ARHGEF4: variants seen among roughly 807,000 people sequenced by gnomAD.
ARHGEF4 encodes Rho guanine nucleotide exchange factor 4, also known as APC-stimulated guanine nucleotide exchange factor 1.
In ARHGEF4, 119 loss-of-function variants were observed where a neutral mutation model predicts 162.0. That is an observed-to-expected ratio of 0.73 (90% CI 0.63 to 0.86). The LOEUF (loss-of-function observed/expected upper bound fraction) is 0.86, where lower values mean the gene tolerates loss of function less well. Ranked by LOEUF, ARHGEF4 falls within the 40% of genes least tolerant of loss-of-function variation. The probability of loss-of-function intolerance (pLI) is 0.00; values close to 1 mark genes in which losing one functional copy is unlikely to be tolerated. For missense variants in ARHGEF4, 2,488 were observed against 2,456.0 expected, an observed-to-expected ratio of 1.01 and a Z score of -0.28; for synonymous variants, 1,014 against 979.9, an observed-to-expected ratio of 1.03 and a Z score of -0.65.
rs1252332616 is a variant in ARHGEF4, at chr2:130,937,244, A to G, written c.3858+5987A>G. On this transcript the variant is annotated intron_variant, in intron 3 of 13. Transcript: ENST00000409359. ...TTTCTTTTGAGATTCCATTATAGGT[A>G]TGTTGGTGTGCTTGATGGTGCCCTA... 2.6e-5 allele frequency among the ~76,000 whole-genome samples: 4 copies of G among 151,832 alleles called. No homozygotes were observed. The South Asian group carries it at 8.3e-4, about 32-fold the overall frequency.
intron 1 of ARHGEF4, among the ~76,000 whole-genome samples, chr2:130,870,697 C>T (rs1215802475): frequency 6.6e-6 from 1 of 152,068 alleles, no homozygotes; most frequent in Non-Finnish European, 1.5e-5. Context: ...GGGGGTGCTC[C>T]TTATGTGCCA....
chr2:130,962,739 ACTT>A (rs2105193260), intron 4 of ARHGEF4, among the ~76,000 whole-genome samples: 1 of 147,866 alleles, frequency 6.8e-6, no homozygotes, highest in African/African-American at 2.5e-5. Flanking sequence ...CCCTCTCAAT[ACTT>A]CTGCTGCTTA....
At chr2:130,950,694 C>A (rs180959818) in intron 4 of ARHGEF4, among the ~76,000 whole-genome samples, 3 of 148,016 alleles carry the variant, frequency 2.0e-5, no homozygotes, top group African/African-American at 7.4e-5. Context: ...TTACCCCCCA[C>A]CACCACCCGA....
chr2:130,851,055 C>T (rs980617186), intron 1 of ARHGEF4, among the ~76,000 whole-genome samples: 4 of 152,258 alleles, frequency 2.6e-5, no homozygotes, highest in Non-Finnish European at 5.9e-5. Flanking sequence ...CTGCTGGGTC[C>T]CCTTGCAGAG....
chr2:130,868,566 G>A (rs1043118632), intron 1 of ARHGEF4, among the ~76,000 whole-genome samples: 3 of 152,064 alleles, frequency 2.0e-5, no homozygotes, highest in Non-Finnish European at 2.9e-5. Flanking sequence ...TCATACTGTC[G>A]TGGCACTGTG....
At chr2:130,884,263 C>G (rs141861802) in intron 1 of ARHGEF4, among the ~76,000 whole-genome samples, 1 of 151,804 alleles carries the variant, frequency 6.6e-6, no homozygotes, top group African/African-American at 2.4e-5. Context: ...TGCACACACA[C>G]GTGCACACAT....
chr2:130,864,575 T>G (rs914497960), intron 1 of ARHGEF4, among the ~76,000 whole-genome samples: 82 of 152,210 alleles, frequency 5.4e-4, no homozygotes, highest in Non-Finnish European at 1.9e-4. Flanking sequence ...ATACAAAAAA[T>G]TAGCCAGATG....
Position 131,044,410 on chromosome 2 carries a change from A to C in ARHGEF4, c.5269A>C (p.Asn1757His). ...KDRDLHVSIK[N>H]AFRLHRGATG... ...CAGAGACCTCCATGTGAGCATCAAG[A>C]ACGCCTTCCGGCTGCACCGTGGCGC... is the stretch of plus-strand genomic sequence containing the variant. Residue 1757 changes from asparagine (N) to histidine (H), a missense_variant, in exon 12 of 14, where the codon AAC (asparagine) becomes CAC (histidine). Around this residue, in one of 6 missense-constraint regions of ARHGEF4, gnomAD observed 415 missense variants for 512.4 expected, o/e 0.81. Coordinates refer to ENST00000409359, the MANE Select transcript of ARHGEF4 (RefSeq NM_001367493.1). The C allele has an allele frequency of 6.3e-7, 1 of 1,577,840 alleles. No homozygotes were observed. Among genetic ancestry groups the C allele is most frequent in the Non-Finnish European group, 8.6e-7 (1 of 1,161,764 alleles).
chr2:130,868,670 T>C (rs1391530823), intron 1 of ARHGEF4, among the ~76,000 whole-genome samples: 1 of 152,212 alleles, frequency 6.6e-6, no homozygotes, highest in African/African-American at 2.4e-5. Context: ...GGTCAGATTT[T>C]GTTGCAATTT....
chr2:131,029,635 C>T (rs538799736), intron 5 of ARHGEF4, among the ~76,000 whole-genome samples: 2 of 151,690 alleles, frequency 1.3e-5, no homozygotes, highest in South Asian at 4.2e-4. Context: ...CTAACTGCCA[C>T]CTCCGCCTCC....
chr2:130,873,819 C>G (rs944131176), intron 1 of ARHGEF4, among the ~76,000 whole-genome samples: 20 of 152,202 alleles, frequency 1.3e-4, no homozygotes, highest in Non-Finnish European at 1.9e-4. Flanking sequence ...CCAGGTACCC[C>G]TAAGTTCCCT....
intron 8 of ARHGEF4, among the ~76,000 whole-genome samples, chr2:131,040,949 G>A (rs891716426): frequency 6.6e-6 from 1 of 151,346 alleles, no homozygotes; most frequent in Non-Finnish European, 1.5e-5. Flanking sequence ...CCCTACCACC[G>A]CCGCTTTTGG....
chr2:131,046,308 G>T lies in ARHGEF4; in HGVS notation c.*119G>T. The T allele has an allele frequency of 9.2e-7, 1 of 1,086,666 alleles. No individual in the cohort carries two copies. 67.3% of individuals were successfully genotyped at this position (1,086,666 alleles called of 1,614,324 possible). A position where few individuals can be genotyped will look rare whatever the true frequency, so the allele number is the denominator to read the frequency against. On this transcript the variant is annotated 3_prime_UTR_variant, in exon 14 of 14. Transcript: ENST00000409359. ...CTGCAAGTGAGCAGGGATGGGCTGG[G>T]GAGTTGCTTGTGCCACCAAGACGTG...
At chr2:130,843,196 G>T (rs1680724830) in intron 1 of ARHGEF4, among the ~76,000 whole-genome samples, 1 of 152,132 alleles carries the variant, frequency 6.6e-6, no homozygotes, top group Non-Finnish European at 1.5e-5. Flanking sequence ...CCCACTCATG[G>T]TGTATGACTG....
intron 3 of ARHGEF4, among the ~76,000 whole-genome samples, chr2:130,941,870 A>C (rs114128278): frequency 0.015 from 2,327 of 152,256 alleles, 69 homozygotes; most frequent in African/African-American, 0.053. Flanking sequence ...GTTCAAACCC[A>C]TGTTGTTCAA....
Position 130,917,369 on chromosome 2 carries a change from C to T in ARHGEF4, c.3423C>T (p.Gly1141=), listed in dbSNP as rs1243137757. The change falls in exon 2 of 14, where the codon GGC becomes GGT. Residue 1141 remains glycine (G), a synonymous_variant. Coordinates refer to ENST00000409359, the MANE Select transcript of ARHGEF4 (RefSeq NM_001367493.1). The part of the protein sequence containing the change: ...GDPERPKIPK[G]QTSFLLSLQT... ...CTGAAAGACCCAAGATTCCCAAGGG[C>T]CAGACCAGTTTCCTGCTTTCTCTGC... 1 of 1,550,588 alleles carries T rather than the reference C, an allele frequency of 6.4e-7. No homozygotes were observed. Among genetic ancestry groups the T allele is most frequent in the South Asian group, 1.2e-5 (1 of 84,060 alleles).
intron 4 of ARHGEF4, among the ~76,000 whole-genome samples, chr2:131,026,741 C>T (rs1409549769): frequency 6.6e-6 from 1 of 152,138 alleles, no homozygotes; most frequent in Non-Finnish European, 1.5e-5. Flanking sequence ...TAATGCCAAT[C>T]ACAAGAGCTG....
chr2:130,852,880 A>T (rs1681509390), intron 1 of ARHGEF4, among the ~76,000 whole-genome samples: 1 of 152,196 alleles, frequency 6.6e-6, no homozygotes, highest in African/African-American at 2.4e-5. Flanking sequence ...AAAAGGGCTG[A>T]GCGACACAAG....
chr2:130,996,533 A>T (rs1406944010), intron 4 of ARHGEF4, among the ~76,000 whole-genome samples: 1 of 152,144 alleles, frequency 6.6e-6, no homozygotes, highest in Non-Finnish European at 1.5e-5. Flanking sequence ...CCCACATTTT[A>T]TCAATTATTC....
Sources: gnomAD v4.1 joint callset for allele counts (sites outside exome capture counted in the v4.1 genomes callset) on GRCh38, gnomAD v4.1.1 for gene constraint, gnomAD v4.1.1 regional missense constraint, MANE v1.5 for transcripts, NCBI Gene and HGNC (gene_info 2026-07-23, HGNC 2026-07-21) for gene names.